The following CHST9 variants were observed in gnomAD, a reference collection of about 807,000 sequenced individuals.
CHST9 encodes the protein GalNAc-4-sulfotransferase 2.
Under a neutral mutation model 44.4 loss-of-function variants are expected in CHST9, and 41 were observed. That is an observed-to-expected ratio of 0.92 (90% CI 0.72 to 1.20). CHST9 has a LOEUF of 1.20. Among genes scored for constraint, CHST9 ranks in the 50% most tolerant of loss-of-function variants. The pLI, the probability that CHST9 is intolerant of heterozygous loss-of-function variation, is 0.00. For missense variants in CHST9, 504 were observed against 516.5 expected (o/e 0.98, Z 0.23); for synonymous variants, 171 against 178.4 (o/e 0.96, Z 0.33).
chr18:27,086,716 C>T (rs948269292), intron 2 of CHST9, among the ~76,000 whole-genome samples: 16 of 151,984 alleles, frequency 1.1e-4, no homozygotes, highest in African/African-American at 3.6e-4. Context: ...TTTAAAAAAA[C>T]ACATACACAT....
chr18:27,000,062 G>A (rs1256093270), intron 4 of CHST9, among the ~76,000 whole-genome samples: 2 of 152,224 alleles, frequency 1.3e-5, no homozygotes, highest in Non-Finnish European at 2.9e-5. Context: ...TAACATGCTT[G>A]TAAATACAGA....
intron 2 of CHST9, among the ~76,000 whole-genome samples, chr18:27,084,701 G>A (rs2143692497): frequency 6.6e-6 from 1 of 151,900 alleles, no homozygotes; most frequent in African/African-American, 2.4e-5. Context: ...CTTTGGGGTT[G>A]ATTTGCTCTT....
At chr18:26,975,515 G>A (rs888917499) in intron 4 of CHST9, among the ~76,000 whole-genome samples, 6 of 151,670 alleles carry the variant, frequency 4.0e-5, no homozygotes, top group African/African-American at 1.2e-4. Context: ...ACTTATAAGT[G>A]AGAACATGCA....
At chr18:27,148,510 T>C (rs1466941606) in intron 1 of CHST9, among the ~76,000 whole-genome samples, 3 of 147,992 alleles carry the variant, frequency 2.0e-5, no homozygotes, top group Admixed American at 6.8e-5. Context: ...ATGCGGTGTT[T>C]GGTTTTTTGT....
intron 2 of CHST9, among the ~76,000 whole-genome samples, chr18:27,123,349 AC>A (rs891930218): frequency 1.5e-4 from 23 of 151,938 alleles, no homozygotes; most frequent in African/African-American, 5.3e-4. Context: ...GCCCTGTAAT[AC>A]CCCCCAAATC....
chr18:27,106,242 G>A (rs527299168), intron 2 of CHST9, among the ~76,000 whole-genome samples: 107 of 152,038 alleles, frequency 7.0e-4, no homozygotes, highest in Admixed American at 1.0e-3. Flanking sequence ...ATTTGCCTCT[G>A]AGGAAATAAA....
intron 4 of CHST9, among the ~76,000 whole-genome samples, chr18:26,947,005 T>C (rs776061370): frequency 2.0e-5 from 3 of 152,222 alleles, no homozygotes; most frequent in Non-Finnish European, 4.4e-5. Flanking sequence ...ATATGTGCTC[T>C]TTTTTGGTTC....
chr18:27,022,521 T>C (rs2143457288), intron 4 of CHST9, among the ~76,000 whole-genome samples: 1 of 152,340 alleles, frequency 6.6e-6, no homozygotes, highest in East Asian at 1.9e-4. Context: ...AAAGGGTATC[T>C]TTTCTTGGTA....
intron 1 of CHST9, among the ~76,000 whole-genome samples, chr18:27,151,797 A>C (rs2058661823): frequency 6.6e-6 from 1 of 152,216 alleles, no homozygotes; most frequent in African/African-American, 2.4e-5. Flanking sequence ...TACAGAAGGG[A>C]CCGCAGTCCT....
chr18:27,101,212 A>G (rs1367490168), intron 2 of CHST9, among the ~76,000 whole-genome samples: 1 of 152,196 alleles, frequency 6.6e-6, no homozygotes, highest in African/African-American at 2.4e-5. Flanking sequence ...TTATTTTTGA[A>G]TACCATAGAG....
chr18:27,107,727 G>T (rs1334719589), intron 2 of CHST9, among the ~76,000 whole-genome samples: 1 of 152,122 alleles, frequency 6.6e-6, no homozygotes, highest in Non-Finnish European at 1.5e-5. Context: ...CACAGAGATA[G>T]CCACAACTTT....
chr18:27,083,124 T>C (rs553686651), intron 2 of CHST9, among the ~76,000 whole-genome samples: 2 of 152,230 alleles, frequency 1.3e-5, no homozygotes, highest in South Asian at 4.1e-4. Flanking sequence ...TATATATAAG[T>C]AGATAGATGG....
chr18:26,923,585 T>C (rs1423439371), intron 5 of CHST9, among the ~76,000 whole-genome samples: 8 of 152,208 alleles, frequency 5.3e-5, no homozygotes, highest in Non-Finnish European at 1.0e-4. Context: ...TTGTGGATCC[T>C]ATGGAAACTA....
chr18:27,158,645 G>C (rs1411209911), intron 1 of CHST9, among the ~76,000 whole-genome samples: 8 of 152,014 alleles, frequency 5.3e-5, no homozygotes, highest in Non-Finnish European at 1.0e-4. Context: ...GGGTCAAATG[G>C]TATTTCTAGT....
chr18:26,944,467 C>A, intron 4 of CHST9, 101 bp from the exon 5 acceptor site: 2 of 801,132 alleles, frequency 2.5e-6, no homozygotes, highest in South Asian at 3.1e-5. Flanking sequence ...CCAAAGTGGT[C>A]ATGGACTCTC....
At chr18:26,981,737 G>T (rs750497995) in intron 4 of CHST9, among the ~76,000 whole-genome samples, 1 of 152,114 alleles carries the variant, frequency 6.6e-6, no homozygotes, top group Non-Finnish European at 1.5e-5. Context: ...AGAAGCGGAG[G>T]CCTGACAATT....
intron 4 of CHST9, among the ~76,000 whole-genome samples, chr18:27,018,449 G>GA (rs901532382): frequency 6.6e-6 from 1 of 151,918 alleles, no homozygotes; most frequent in Non-Finnish European, 1.5e-5. Context: ...CCCTACAAAA[G>GA]AAAAAAACCC....
chr18:27,088,355 A>G (rs1261828472), intron 2 of CHST9, among the ~76,000 whole-genome samples: 1 of 151,940 alleles, frequency 6.6e-6, no homozygotes, highest in African/African-American at 2.4e-5. Flanking sequence ...ATACTTAGTT[A>G]CAAGCATTTG....
At chr18:26,965,912 A>T (rs1392370749) in intron 4 of CHST9, among the ~76,000 whole-genome samples, 1 of 152,194 alleles carries the variant, frequency 6.6e-6, no homozygotes, top group Non-Finnish European at 1.5e-5. Flanking sequence ...TTGAGGAAAC[A>T]AAAAAACCCT....
Sources: gnomAD v4.1 joint callset for allele counts (sites outside exome capture counted in the v4.1 genomes callset) on GRCh38, gnomAD v4.1.1 for gene constraint, MANE v1.5 for transcripts, NCBI Gene and HGNC (gene_info 2026-07-23, HGNC 2026-07-21) for gene names.